DOCK2: variants seen among roughly 807,000 people sequenced by gnomAD.
DOCK2 encodes dedicator of cytokinesis 2, also known as dedicator of cytokinesis protein 2.
DOCK2 carries 87 observed loss-of-function variants against 248.9 expected under a neutral mutation model. That is an observed-to-expected ratio of 0.35 (90% CI 0.29 to 0.42). The LOEUF (loss-of-function observed/expected upper bound fraction) is 0.42, where lower values mean the gene tolerates loss of function less well. Among genes scored for constraint, DOCK2 ranks in the 10% least tolerant of loss-of-function variants. DOCK2 has a pLI of 1.00. For synonymous variants in DOCK2, 805 were observed against 821.6 expected (o/e 0.98, Z 0.35); for missense variants, 1,747 against 2,300.2 (o/e 0.76, Z 4.92).
Position 170,021,994 on chromosome 5 carries a change from A to G in DOCK2, c.3381+2886A>G, listed in dbSNP as rs138885044. ...AAGAACCAGGTCCCCAGAAGACCAC[A>G]TTGTTCCCTCTCTAAAATGTGGGTT... On this transcript the variant is annotated intron_variant, in intron 33 of 51. Transcript: ENST00000520908. Among the ~76,000 whole-genome samples, 315 of 152,310 alleles carry G rather than the reference A, an allele frequency of 2.1e-3. 1 individual carries two copies. The highest frequency in any genetic ancestry group is 3.6e-3 in the Non-Finnish European group (242 of 68,024).
chr5:169,687,420 C>G (rs1385184084), intron 8 of DOCK2, among the ~76,000 whole-genome samples: 1 of 152,100 alleles, frequency 6.6e-6, no homozygotes, highest in Non-Finnish European at 1.5e-5. Flanking sequence ...TCAGTCTGCT[C>G]TCATTAACCT....
At chr5:169,785,028 C>T (rs1375387245) in intron 25 of DOCK2, among the ~76,000 whole-genome samples, 1 of 152,150 alleles carries the variant, frequency 6.6e-6, no homozygotes, top group Non-Finnish European at 1.5e-5. Flanking sequence ...CCTTCTTATT[C>T]ATGTCATGTC....
intron 27 of DOCK2, among the ~76,000 whole-genome samples, chr5:169,939,092 G>C (rs1447345750): frequency 6.6e-6 from 1 of 151,894 alleles, no homozygotes; most frequent in Non-Finnish European, 1.5e-5. Context: ...TTTTAGTAGA[G>C]ACGGGGTTTC....
In DOCK2 at chr5:170,008,509, T is replaced by G; in HGVS notation, c.3085T>G (p.Tyr1029Asp). 1 of 1,614,138 alleles carries G rather than the reference T, an allele frequency of 6.2e-7. No individual in the cohort carries two copies. The highest frequency in any genetic ancestry group is 8.5e-7 in the Non-Finnish European group (1 of 1,179,964). Residue 1029 changes from tyrosine to aspartate, a missense_variant, in exon 31 of 52, where the codon TAT becomes GAT. This residue lies in a region of DOCK2 where 858 missense variants were observed against 1,183.5 expected (regional missense o/e 0.72). Coordinates refer to ENST00000520908, the MANE Select transcript of DOCK2 (RefSeq NM_004946.3). Reference protein sequence around the residue: ...TNFEFQLWNNYFHLAVAFITQ... With the variant: ...TNFEFQLWNNDFHLAVAFITQ... ...CTTTCATTTACAGCTGTGGAACAAC[T>G]ATTTTCATCTGGCAGTGGCTTTTAT...
chr5:170,028,030 G>A, intron 34 of DOCK2, 82 bp downstream of exon 34: 1 of 1,326,012 alleles, frequency 7.5e-7, no homozygotes, highest in Non-Finnish European at 1.0e-6. Context: ...GGGGCTCCGA[G>A]TGGCTCTGTC....
chr5:169,961,416 C>CT (rs1777082109), intron 27 of DOCK2, among the ~76,000 whole-genome samples: 1 of 152,228 alleles, frequency 6.6e-6, no homozygotes, highest in Admixed American at 6.5e-5. Context: ...CTAATCAACT[C>CT]TAACAACAGT....
At chr5:169,826,429 G>A in intron 26 of DOCK2, among the ~76,000 whole-genome samples, 1 of 152,068 alleles carries the variant, frequency 6.6e-6, no homozygotes, top group East Asian at 1.9e-4. Context: ...TGGGGGGGAC[G>A]AGCTGACCAA....
At chr5:169,831,239 A>G (rs1305756174) in intron 26 of DOCK2, among the ~76,000 whole-genome samples, 28 of 151,972 alleles carry the variant, frequency 1.8e-4, no homozygotes. Flanking sequence ...TGTATATTAC[A>G]TATGGTACTC....
At chr5:169,915,628 CAG>C (rs993653642) in intron 27 of DOCK2, among the ~76,000 whole-genome samples, 1 of 150,344 alleles carries the variant, frequency 6.7e-6, no homozygotes, top group Non-Finnish European at 1.5e-5. Flanking sequence ...GAGAGAGAGA[CAG>C]AGACAGACAG....
intron 27 of DOCK2, among the ~76,000 whole-genome samples, chr5:169,948,410 AC>A (rs1776529208): frequency 6.6e-6 from 1 of 151,994 alleles, no homozygotes; most frequent in South Asian, 2.1e-4. Flanking sequence ...GTTTTTTCAT[AC>A]CCATTCATCC....
chr5:169,724,458 G>C (rs1174029323), intron 22 of DOCK2, among the ~76,000 whole-genome samples: 1 of 152,090 alleles, frequency 6.6e-6, no homozygotes, highest in Non-Finnish European at 1.5e-5. Flanking sequence ...TCACTGGTTG[G>C]GGAGAGAAAA....
intron 22 of DOCK2, among the ~76,000 whole-genome samples, chr5:169,745,934 A>G (rs1763589563): frequency 6.6e-6 from 1 of 152,158 alleles, no homozygotes; most frequent in Admixed American, 6.5e-5. Flanking sequence ...CTATGGAACT[A>G]GGGAGAGGAA....
chr5:169,933,038 G>A (rs979918457), intron 27 of DOCK2, among the ~76,000 whole-genome samples: 2 of 152,294 alleles, frequency 1.3e-5, no homozygotes, highest in Admixed American at 1.3e-4. Flanking sequence ...GCAGGTATTG[G>A]CAGGCAAAAT....
intron 46 of DOCK2, among the ~76,000 whole-genome samples, chr5:170,073,086 A>G (rs569154893): frequency 6.6e-6 from 1 of 152,334 alleles, no homozygotes; most frequent in East Asian, 1.9e-4. Context: ...AACTACCCCA[A>G]GATCATGAAG....
chr5:169,670,463 T>G (rs1396563963), intron 3 of DOCK2, 79 bp from the exon 4 acceptor site: 2 of 1,489,264 alleles, frequency 1.3e-6, no homozygotes, highest in Non-Finnish European at 1.8e-6. Flanking sequence ...AAAAAAATTA[T>G]AAAGACGTAG....
chr5:170,073,316 A>G (rs1757739810), intron 46 of DOCK2, among the ~76,000 whole-genome samples: 1 of 152,140 alleles, frequency 6.6e-6, no homozygotes, highest in African/African-American at 2.4e-5. Flanking sequence ...ATTCTGATCC[A>G]TCGGTCTATG....
chr5:169,723,385 T>G (rs1762304989), intron 22 of DOCK2, among the ~76,000 whole-genome samples: 1 of 152,234 alleles, frequency 6.6e-6, no homozygotes, highest in Admixed American at 6.5e-5. Flanking sequence ...TTTCCTCATA[T>G]GTAACACGGT....
intron 30 of DOCK2, chr5:169,997,996 G>A: frequency 2.2e-6 from 1 of 456,326 alleles, no homozygotes; most frequent in Non-Finnish European, 4.4e-6. Flanking sequence ...ACTGGAATGT[G>A]ACGAAGGGCT....
chr5:169,975,293 A>G (rs940208931), intron 27 of DOCK2, among the ~76,000 whole-genome samples: 2 of 152,188 alleles, frequency 1.3e-5, no homozygotes, highest in African/African-American at 4.8e-5. Flanking sequence ...GTAGAAAGAC[A>G]TGGAAAATGC....
Sources: gnomAD v4.1 joint callset for allele counts (sites outside exome capture counted in the v4.1 genomes callset) on GRCh38, gnomAD v4.1.1 for gene constraint, gnomAD v4.1.1 regional missense constraint, MANE v1.5 for transcripts, NCBI Gene and HGNC (gene_info 2026-07-23, HGNC 2026-07-21) for gene names.